Variants in TMED1 observed in about 807,000 individuals in gnomAD.
The protein encoded by TMED1 is transmembrane p24 trafficking protein 1, also known as transmembrane emp24 domain-containing protein 1.
A neutral mutation model predicts 21.2 loss-of-function variants in TMED1; 20 were observed. That is an observed-to-expected ratio of 0.95 (90% CI 0.67 to 1.37). The LOEUF (loss-of-function observed/expected upper bound fraction) is 1.37. Ranked by LOEUF, TMED1 falls within the 40% of genes most tolerant of loss-of-function variation. The pLI, the probability that TMED1 is intolerant of heterozygous loss-of-function variation, is 0.00. For missense variants in TMED1, 316 were observed against 309.8 expected, an observed-to-expected ratio of 1.02 and a Z score of -0.15; for synonymous variants, 149 against 134.7, an observed-to-expected ratio of 1.11 and a Z score of -0.74.
chr19:10,832,187 G>A lies in TMED1; in HGVS notation c.*808C>T, dbSNP rs562759502. 2.2e-5 allele frequency: 20 copies of A among 921,528 alleles called. No homozygotes were observed. Among genetic ancestry groups the A allele is most frequent in the South Asian group, 1.8e-4 (13 of 71,816 alleles). The allele number at this position is 921,528 out of a possible 1,614,324, so 57.1% of individuals were successfully genotyped here. A position where few individuals can be genotyped will look rare whatever the true frequency, so the allele number is the denominator to read the frequency against. ...TGCCTGGTGAAGCGGGGACCCCAGC[G>A]CTCCACCCCCTTCCTACCCTCAGGC... is the stretch of plus-strand genomic sequence containing the variant. On this transcript the variant is annotated 3_prime_UTR_variant, in exon 4 of 4. Coordinates refer to ENST00000214869, the MANE Select transcript of TMED1 (RefSeq NM_006858.4).
rs1176612448 is a variant in TMED1, at chr19:10,835,287, T to C, written c.250A>G (p.Ser84Gly). The change falls in exon 2 of 4, where the codon AGC (serine) becomes GGC (glycine). Residue 84 changes from serine (S) to glycine (G), a missense_variant. Transcript: ENST00000214869. ...ACCCCATCAGCCTTGCGGGACTCGCTGACCAACAGCACGCCCTGAGGGCTC... is the reference window on the plus strand; with the variant it reads ...ACCCCATCAGCCTTGCGGGACTCGCCGACCAACAGCACGCCCTGAGGGCTC... ...LESPQGVLLV[S>G]ESRKADGVHT... 1.2e-6 allele frequency: 2 copies of C among 1,614,076 alleles called. No homozygotes were observed. Among genetic ancestry groups the C allele is most frequent in the Admixed American group, 1.7e-5 (1 of 60,028 alleles).
chr19:10,833,903 C>A (rs905697526), intron 3 of TMED1, among the ~76,000 whole-genome samples: 7 of 152,116 alleles, frequency 4.6e-5, no homozygotes, highest in Non-Finnish European at 1.0e-4. Flanking sequence ...CTCGCCGTAG[C>A]TCACACCTGT....
chr19:10,834,857 T>C, intron 3 of TMED1, 77 bp downstream of exon 3: 4 of 1,514,912 alleles, frequency 2.6e-6, no homozygotes, highest in African/African-American at 1.4e-5. Context: ...GAGGGGAGGC[T>C]GGGTCAGCCC....
rs58782346 is a variant in TMED1 at position 10,833,742 on chromosome 19, C to T, written c.466-529G>A. Reference sequence around the variant, plus strand: ...CACCCTAGCCAACATGGTGAAACCTCGTCTCTACAGAAAACAAAAAATTAG... The same window carrying T: ...CACCCTAGCCAACATGGTGAAACCTTGTCTCTACAGAAAACAAAAAATTAG... On this transcript the variant is annotated intron_variant, in intron 3 of 3. Transcript: ENST00000214869. 9.1e-3 allele frequency among the ~76,000 whole-genome samples: 1,377 copies of T among 151,726 alleles called. 16 individuals carry two copies. The highest frequency in any genetic ancestry group is 0.032 in the African/African-American group (1,320 of 41,310).
rs776740729 is a variant in TMED1, at chr19:10,835,068, A to C, written c.331T>G (p.Phe111Val). 6.2e-7 allele frequency: 1 copy of C among 1,614,222 alleles called. No individual in the cohort carries two copies. Among genetic ancestry groups the C allele is most frequent in the Admixed American group, 1.7e-5 (1 of 60,030 alleles). The change falls in exon 3 of 4, where the codon TTC becomes GTC. Residue 111 changes from phenylalanine to valine, a missense_variant. Physicochemically the swap from Phe to Val is conservative, Grantham distance 50. Transcript: ENST00000214869. ...ACCAGCTTCTCGGAGATGGTGCTGA[A>C]GGAGTTGTCAAAGCACAGCTTGTAG... ...GDYKLCFDNS[F>V]STISEKLVFF...
In TMED1 at chr19:10,832,306, G is replaced by A. The variant is rs759253271; in HGVS notation, c.*689C>T. On this transcript the variant is annotated 3_prime_UTR_variant, in exon 4 of 4. Coordinates refer to ENST00000214869, the MANE Select transcript of TMED1 (RefSeq NM_006858.4). ...TTCTGATTTTTCTCTTGTGCCAGGC[G>A]ACCACCTCCATCGGCTCCCGCACGA... is the stretch of plus-strand genomic sequence containing the variant. 32 of 1,289,662 alleles carry A rather than the reference G, an allele frequency of 2.5e-5. No individual in the cohort carries two copies. The highest frequency in any genetic ancestry group is 4.3e-4 in the Middle Eastern group (2 of 4,692). 79.9% of individuals were successfully genotyped at this position (1,289,662 alleles called of 1,614,324 possible). A position where few individuals can be genotyped will look rare whatever the true frequency, so the allele number is the denominator to read the frequency against.
intron 3 of TMED1, among the ~76,000 whole-genome samples, chr19:10,833,686 G>A (rs576612450): frequency 6.6e-5 from 10 of 152,194 alleles, no homozygotes; most frequent in African/African-American, 2.2e-4. Context: ...TCCAAACACA[G>A]GAGGATCACT....
Position 10,836,074 on chromosome 19 carries a change from C to T in TMED1, c.118G>A (p.Ala40Thr). ...QDGEFTFLLPAGRKQCFYQSA... is the reference protein window; with the variant it reads ...QDGEFTFLLPTGRKQCFYQSA... ...TGGTAGAAACACTGCTTCCTCCCCG[C>T]CGGCAACAGGAACGTGAACTCACCG... Residue 40 changes from alanine to threonine, a missense_variant, in exon 1 of 4, where the codon GCG becomes ACG. Ala to Thr is a moderately conservative substitution (Grantham distance 58). Coordinates refer to ENST00000214869, the MANE Select transcript of TMED1 (RefSeq NM_006858.4). 3 of 1,598,302 alleles carry T rather than the reference C, an allele frequency of 1.9e-6. No homozygotes were observed. The highest frequency in any genetic ancestry group is 2.6e-6 in the Non-Finnish European group (3 of 1,173,306).
intron 3 of TMED1, 27 bp from the exon 4 acceptor site, chr19:10,833,240 C>T (rs765578942): frequency 6.3e-7 from 1 of 1,582,546 alleles, no homozygotes; most frequent in South Asian, 1.1e-5. Flanking sequence ...GGGGAAGGGT[C>T]AGGCCTCCCT....
intron 3 of TMED1, 50 bp downstream of exon 3, chr19:10,834,884 G>C (rs1158677264): frequency 1.3e-6 from 2 of 1,583,800 alleles, no homozygotes; most frequent in African/African-American, 2.7e-5. Flanking sequence ...GGCACCCCAG[G>C]TGAATCCTAG....
In TMED1 at chr19:10,835,257, T is replaced by G; in HGVS notation, c.280A>C (p.Thr94Pro). Reference protein sequence around the residue: ...SESRKADGVHTVEPTEAGDYK... With the variant: ...SESRKADGVHPVEPTEAGDYK... ...GGCAGGCATCAAGACTGAACTCACG[T>G]GTGTACCCCATCAGCCTTGCGGGAC... Residue 94 changes from threonine to proline, a missense_variant and splice_region_variant, in exon 2 of 4, where the codon ACG becomes CCG. By Grantham distance (38) the Thr-to-Pro change is conservative. Transcript: ENST00000214869. 6.2e-7 allele frequency: 1 copy of G among 1,614,120 alleles called. No homozygotes were observed. The highest frequency in any genetic ancestry group is 8.5e-7 in the Non-Finnish European group (1 of 1,180,018).
Position 10,835,992 on chromosome 19 carries a change from A to G in TMED1, c.183+17T>C, listed in dbSNP as rs2073423779. ...CTCTCCCTGACTCTGCTGGCCGCCC[A>G]GCCCGCGACCCTCTACCTGGTATTC... On this transcript the variant is annotated intron_variant, in intron 1 of 3. Coordinates refer to ENST00000214869, the MANE Select transcript of TMED1 (RefSeq NM_006858.4). 5.1e-6 allele frequency: 8 copies of G among 1,559,884 alleles called. No individual in the cohort carries two copies. The highest frequency in any genetic ancestry group is 6.1e-6 in the Non-Finnish European group (7 of 1,152,424).
chr19:10,834,047 C>T (rs1175233302), intron 3 of TMED1, among the ~76,000 whole-genome samples: 1 of 152,138 alleles, frequency 6.6e-6, no homozygotes, highest in Non-Finnish European at 1.5e-5. Flanking sequence ...GGTGGCACAG[C>T]TATTCAGGAG....
chr19:10,832,273 A>T lies in TMED1; in HGVS notation c.*722T>A. On this transcript the variant is annotated 3_prime_UTR_variant, in exon 4 of 4. Coordinates refer to ENST00000214869, the MANE Select transcript of TMED1 (RefSeq NM_006858.4). ...CGTGGCCCAACTGGGGCTCAGTTAA[A>T]CTTTGCTTTCTGATTTTTCTCTTGT... The T allele has an allele frequency of 7.8e-7, 1 of 1,289,354 alleles. No homozygotes were observed. Among genetic ancestry groups the T allele is most frequent in the Non-Finnish European group, 1.0e-6 (1 of 988,682 alleles). 79.9% of individuals were successfully genotyped at this position (1,289,354 alleles called of 1,614,324 possible). A position where few individuals can be genotyped will look rare whatever the true frequency, so the allele number is the denominator to read the frequency against.
intron 3 of TMED1, 146 bp from the exon 4 acceptor site, chr19:10,833,359 T>C: frequency 3.0e-6 from 2 of 670,474 alleles, no homozygotes; most frequent in East Asian, 5.5e-5. Context: ...TAAGTTCAAA[T>C]CCTCACCCTG....
intron 3 of TMED1, chr19:10,833,464 CTAAA>C: frequency 1.8e-6 from 1 of 559,718 alleles, no homozygotes; most frequent in Middle Eastern, 4.8e-4. Flanking sequence ...CATTTAATGC[CTAAA>C]TAAATGTACA....
In TMED1 at chr19:10,835,149, G is replaced by A. The variant is rs1362379833; in HGVS notation, c.282-32C>T. ...AGACAGACACACAGACATGACCCAG[G>A]GTGGCCAGCCAGCCGACTCAGCGGG... On this transcript the variant is annotated intron_variant, in intron 2 of 3. Coordinates refer to ENST00000214869, the MANE Select transcript of TMED1 (RefSeq NM_006858.4). 10 of 1,609,484 alleles carry A rather than the reference G, an allele frequency of 6.2e-6. No homozygotes were observed. The South Asian group carries it at 9.9e-5, about 16-fold the overall frequency.
chr19:10,834,821 T>TA (rs2073405802), intron 3 of TMED1, 113 bp downstream of exon 3: 5 of 1,245,512 alleles, frequency 4.0e-6, no homozygotes, highest in Non-Finnish European at 5.6e-6. Flanking sequence ...ACTCTTACTA[T>TA]AATTCAGTTG....
At chr19:10,833,579 T>C (rs1013054584) in intron 3 of TMED1, 4 of 254,928 alleles carry the variant, frequency 1.6e-5, no homozygotes, top group African/African-American at 6.7e-5. Flanking sequence ...CTGGGCTACA[T>C]GGCAAAACCC....
Sources: gnomAD v4.1 joint callset for allele counts (sites outside exome capture counted in the v4.1 genomes callset) on GRCh38, gnomAD v4.1.1 for gene constraint, MANE v1.5 for transcripts, NCBI Gene and HGNC (gene_info 2026-07-23, HGNC 2026-07-21) for gene names.